ZNF461: variants seen among roughly 807,000 people sequenced by gnomAD.
ZNF461 encodes zinc finger protein 461.
ZNF461 carries 16 observed loss-of-function variants against 18.3 expected under a neutral mutation model. That is an observed-to-expected ratio of 0.88 (90% CI 0.59 to 1.33). The LOEUF is 1.33. Among genes scored for constraint, ZNF461 ranks in the 40% most tolerant of loss-of-function variants. The pLI is 0.00. For synonymous variants in ZNF461, 179 were observed against 216.9 expected (o/e 0.83, Z 1.54); for missense variants, 595 against 669.9 (o/e 0.89, Z 1.23).
In ZNF461 at chr19:36,638,731, G is replaced by A. The variant is rs1256851263; in HGVS notation, c.1614C>T (p.Asn538=). Residue 538 remains asparagine (N), a synonymous_variant, in exon 6 of 6, where the codon AAC becomes AAT. Transcript: ENST00000588268. ...CGCCAGTATGAAGAGTCTGATGTAA[G>A]TTAAGTTGTAATCTATGATTAAACG... ...GKAFNHRLQL[N]LHQTLHTGEK... 12 of 1,613,818 alleles carry A rather than the reference G, an allele frequency of 7.4e-6. No homozygotes were observed. The Admixed American group carries it at 2.0e-4, about 27-fold the overall frequency.
intron 4 of ZNF461, among the ~76,000 whole-genome samples, chr19:36,654,186 C>T (rs1325607300): frequency 6.6e-6 from 1 of 151,952 alleles, no homozygotes; most frequent in Non-Finnish European, 1.5e-5. Flanking sequence ...AAGGAAAAGG[C>T]CTACCCAGGT....
chr19:36,645,473 C>T (rs1184348765), intron 4 of ZNF461, among the ~76,000 whole-genome samples: 3 of 152,074 alleles, frequency 2.0e-5, no homozygotes, highest in Non-Finnish European at 2.9e-5. Flanking sequence ...TTGAGAAACA[C>T]TGAGTATTTT....
intron 4 of ZNF461, among the ~76,000 whole-genome samples, chr19:36,647,343 C>G (rs932292219): frequency 1.3e-5 from 2 of 152,118 alleles, no homozygotes; most frequent in African/African-American, 2.4e-5. Context: ...AGTTTGAGAC[C>G]TGCCTGGCCA....
At chr19:36,654,980 T>C (rs1197663119) in intron 4 of ZNF461, among the ~76,000 whole-genome samples, 2 of 152,078 alleles carry the variant, frequency 1.3e-5, no homozygotes, top group African/African-American at 4.8e-5. Flanking sequence ...CAAAGCAACT[T>C]GTATGGATCT....
chr19:36,657,109 A>G (rs1316471084), intron 3 of ZNF461, among the ~76,000 whole-genome samples: 1 of 150,926 alleles, frequency 6.6e-6, no homozygotes, highest in Non-Finnish European at 1.5e-5. Flanking sequence ...CATGAGCCAC[A>G]GCACCCAGCC....
At chr19:36,652,112 GA>G (rs892503945) in intron 4 of ZNF461, among the ~76,000 whole-genome samples, 5 of 151,474 alleles carry the variant, frequency 3.3e-5, no homozygotes, top group African/African-American at 9.7e-5. Flanking sequence ...GGCATCCATA[GA>G]AAAAAAAGAA....
chr19:36,643,834 ATTG>A lies in ZNF461; in HGVS notation c.258_260del (p.Asn88del), dbSNP rs1224640184. 6.5e-7 allele frequency: 1 copy of A among 1,540,924 alleles called. No individual in the cohort carries two copies. The highest frequency in any genetic ancestry group is 2.0e-5 in the Admixed American group (1 of 50,368). On this transcript the variant is annotated inframe_deletion, in exon 5 of 6. Transcript: ENST00000588268. ...TAGCCTCATTATTGTCCAAGAAATT[ATTG>A]TGAAATCCCCAAGTTTTCCATGTAC...
intron 1 of ZNF461, among the ~76,000 whole-genome samples, chr19:36,665,742 A>AATG (rs1233041786): frequency 6.7e-6 from 1 of 149,394 alleles, no homozygotes; most frequent in African/African-American, 2.4e-5. Context: ...GTTGCAGAAC[A>AATG]ATGTGTATTG....
chr19:36,658,565 G>C (rs968431545), intron 2 of ZNF461, 140 bp from the exon 3 acceptor site: 1 of 793,410 alleles, frequency 1.3e-6, no homozygotes, highest in African/African-American at 1.8e-5. Context: ...ATGGGTCAAA[G>C]AGGAATTTAG....
Position 36,639,850 on chromosome 19 carries a change from A to G in ZNF461, c.495T>C (p.Leu165=). The G allele has an allele frequency of 6.2e-7, 1 of 1,613,924 alleles. No homozygotes were observed. Among genetic ancestry groups the G allele is most frequent in the Non-Finnish European group, 8.5e-7 (1 of 1,179,862 alleles). The change falls in exon 6 of 6, where the codon CTT becomes CTC. Residue 165 remains leucine (L), a synonymous_variant. Transcript: ENST00000588268. ...TGGGCATGTTTTCATGGTTAATCAT[A>G]AGTTGTCTAAAATAACCCTCCTCTT... ...QGQEEGYFRQ[L]MINHENMPIF... is the part of the protein sequence containing the mutation.
chr19:36,641,798 G>A (rs898527423), intron 5 of ZNF461, among the ~76,000 whole-genome samples: 2 of 151,688 alleles, frequency 1.3e-5, no homozygotes, highest in Non-Finnish European at 2.9e-5. Context: ...CTCCTACATC[G>A]ACTGCACTGA....
chr19:36,659,521 C>T (rs887434261), intron 2 of ZNF461, among the ~76,000 whole-genome samples: 6 of 152,206 alleles, frequency 3.9e-5, no homozygotes, highest in East Asian at 1.9e-4. Context: ...AATCCTCCCA[C>T]CTTGGCCTCC....
intron 4 of ZNF461, among the ~76,000 whole-genome samples, chr19:36,644,898 G>A (rs916161455): frequency 2.0e-5 from 3 of 151,774 alleles, no homozygotes; most frequent in Non-Finnish European, 4.4e-5. Context: ...TGCCTGGCCA[G>A]GTTTATTTTT....
chr19:36,655,014 C>A (rs2037691596), intron 4 of ZNF461, among the ~76,000 whole-genome samples: 1 of 152,074 alleles, frequency 6.6e-6, no homozygotes, highest in South Asian at 2.1e-4. Flanking sequence ...TTAGAGACAG[C>A]ATCTTGCAGT....
At chr19:36,655,657 G>C (rs1456057320) in intron 4 of ZNF461, among the ~76,000 whole-genome samples, 1 of 152,134 alleles carries the variant, frequency 6.6e-6, no homozygotes, top group Admixed American at 6.6e-5. Context: ...TTGATGTACA[G>C]AAGTTTTTAG....
intron 2 of ZNF461, among the ~76,000 whole-genome samples, chr19:36,662,295 C>T (rs750409140): frequency 4.6e-5 from 7 of 150,922 alleles, no homozygotes; most frequent in Non-Finnish European, 7.4e-5. Context: ...CCTGCTTTGT[C>T]GCCAGGCTGG....
chr19:36,643,790 A>T lies in ZNF461; in HGVS notation c.301+4T>A, dbSNP rs774668900. On this transcript the variant is annotated splice_donor_region_variant and intron_variant, in intron 5 of 5. Coordinates refer to ENST00000588268, the MANE Select transcript of ZNF461 (RefSeq NM_153257.5). Reference sequence around the variant, plus strand: ...GTACTCTTAAAAACTGTATTTATTTATACCTGCATTTATGTCTGTAGCCTC... The same window carrying T: ...GTACTCTTAAAAACTGTATTTATTTTTACCTGCATTTATGTCTGTAGCCTC... The T allele has an allele frequency of 3.9e-6, 6 of 1,528,294 alleles. 1 individual carries two copies. In the South Asian group the frequency reaches 7.6e-5, roughly 19 times the overall value. The allele number at this position is 1,528,294 out of a possible 1,614,324, so 94.7% of individuals were successfully genotyped here. A position where few individuals can be genotyped will look rare whatever the true frequency, so the allele number is the denominator to read the frequency against.
intron 5 of ZNF461, among the ~76,000 whole-genome samples, chr19:36,641,983 G>A (rs1051384462): frequency 2.0e-5 from 3 of 152,108 alleles, no homozygotes; most frequent in African/African-American, 7.2e-5. Context: ...GAGCGCAGTG[G>A]TGCAATCACA....
chr19:36,652,591 C>A (rs1048390036), intron 4 of ZNF461, among the ~76,000 whole-genome samples: 1 of 151,332 alleles, frequency 6.6e-6, no homozygotes, highest in South Asian at 2.1e-4. Flanking sequence ...AGTTCTTAGA[C>A]GTGACACTAA....
Sources: allele counts gnomAD v4.1 joint callset (sites outside exome capture counted in the v4.1 genomes callset), GRCh38; gene constraint gnomAD v4.1.1; transcripts MANE v1.5; gene names NCBI Gene and HGNC (gene_info 2026-07-23, HGNC 2026-07-21).